Variants in KIAA0753 observed in about 807,000 individuals in gnomAD.
The protein encoded by KIAA0753 is KIAA0753, also known as protein moonraker.
Under a neutral mutation model 116.9 loss-of-function variants are expected in KIAA0753, and 114 were observed. The observed-to-expected ratio is 0.98, with a 90% confidence interval of 0.84 to 1.14. The LOEUF (loss-of-function observed/expected upper bound fraction) is 1.14. Ranked by LOEUF, KIAA0753 falls within the 50% of genes most tolerant of loss-of-function variation. KIAA0753 has a pLI of 0.00. For missense variants in KIAA0753, 1,156 were observed against 1,172.4 expected (o/e 0.99, Z 0.20); for synonymous variants, 405 against 413.1 (o/e 0.98, Z 0.24).
At position 6,589,993 on chromosome 17, in the gene KIAA0753, C is replaced by A; in HGVS notation, c.2572G>T (p.Glu858Ter). The A allele has an allele frequency of 1.3e-6, 2 of 1,559,680 alleles. No individual in the cohort carries two copies. The highest frequency in any genetic ancestry group is 2.1e-5 in the Admixed American group (1 of 47,790). ...GATCCTTCCTCTGTTCCCACACTTT[C>A]ATCCAGGGAACTGAGAACAAATAAA... ...ERPCNGNSLD[E>*]SVGTEEGSEK... Residue 858 changes from glutamate (E) to a stop codon, truncating the protein, a stop_gained, in exon 18 of 19, where the codon GAA (glutamate) becomes TAA (stop). Transcript: ENST00000361413. LOFTEE classifies it high-confidence loss of function.
intron 12 of KIAA0753, 74 bp downstream of exon 12, chr17:6,606,799 T>C: frequency 1.8e-6 from 2 of 1,129,120 alleles, no homozygotes; most frequent in African/African-American, 1.5e-5. Flanking sequence ...ACAGTCCAGG[T>C]TGGTTGCTAG....
rs1157585121 is a variant in KIAA0753 at position 6,639,040 on chromosome 17, C to T, written c.-69+1597G>A. ...CCTGAACCCTGGGTCACCTCCACAT[C>T]TAGTTTCCTCTTCAGCAGCACAGGG... On this transcript the variant is annotated intron_variant, in intron 1 of 18. Transcript: ENST00000361413. This position sits in a 1 kb window ranked among gnomAD's most constrained non-coding sequence, Gnocchi z 4.3. 2 of 152,918 alleles carry T rather than the reference C, an allele frequency of 1.3e-5. No individual in the cohort carries two copies. The highest frequency in any genetic ancestry group is 2.9e-5 in the Non-Finnish European group (2 of 68,714). 9.5% of individuals were successfully genotyped at this position (152,918 alleles called of 1,614,324 possible).
rs377255897 is a variant in KIAA0753, at chr17:6,607,011, A to G, written c.1920-49T>C. On this transcript the variant is annotated intron_variant, in intron 11 of 18. Coordinates refer to ENST00000361413, the MANE Select transcript of KIAA0753 (RefSeq NM_014804.3). ...CCCCAACTCTCCTCAAGGCAGAGTC[A>G]GGGCTCCCTTGAGCTCCAGTCTTGG... 1.9e-5 allele frequency: 30 copies of G among 1,557,538 alleles called. No individual in the cohort carries two copies. The African/African-American group carries it at 3.9e-4, about 20-fold the overall frequency.
In KIAA0753 at chr17:6,617,365, C is replaced by CGGTA. The variant is rs1971000276; in HGVS notation, c.1315+3422_1315+3423insTACC. Among the ~76,000 whole-genome samples, 4 of 152,264 alleles carry CGGTA rather than the reference C, an allele frequency of 2.6e-5. No homozygotes were observed. In the South Asian group the frequency reaches 8.3e-4, roughly 32 times the overall value. ...AAGATACTATATTACTTCTACCTGC[C>CGGTA]TACCAATGAAGGAGAGCGAACATCC... On this transcript the variant is annotated intron_variant, in intron 7 of 18. Coordinates refer to ENST00000361413, the MANE Select transcript of KIAA0753 (RefSeq NM_014804.3).
In KIAA0753 at chr17:6,628,589, G is replaced by A. The variant is rs750014573; in HGVS notation, c.246C>T (p.Asp82=). The A allele has an allele frequency of 6.2e-7, 1 of 1,614,136 alleles. No individual in the cohort carries two copies. The highest frequency in any genetic ancestry group is 8.5e-7 in the Non-Finnish European group (1 of 1,180,018). The change falls in exon 3 of 19, where the codon GAC becomes GAT. Residue 82 remains aspartate (D), a synonymous_variant. Coordinates refer to ENST00000361413, the MANE Select transcript of KIAA0753 (RefSeq NM_014804.3). The part of the protein sequence containing the change: ...CKDADCRVGP[D]LGSSVSFSVI... ...CGGAAAATGAAACAGAACTGCCCAG[G>A]TCAGGACCAACTCTACAATCTGCAT...
At position 6,628,147 on chromosome 17, in the gene KIAA0753, T is replaced by C; in HGVS notation, c.688A>G (p.Ile230Val). The C allele has an allele frequency of 5.6e-6, 9 of 1,612,904 alleles. No homozygotes were observed. Among genetic ancestry groups the C allele is most frequent in the Non-Finnish European group, 7.6e-6 (9 of 1,179,662 alleles). ...TTAGTTACCTCTTCAATTTTGTGGA[T>C]ACAACTGCTCAGTTCTTTCTGGAGT... Reference protein sequence around the residue: ...QRLQKELSSCIHKIEEVTKKD... With the variant: ...QRLQKELSSCVHKIEEVTKKD... The change falls in exon 3 of 19, where the codon ATC becomes GTC. Residue 230 changes from isoleucine (I) to valine (V), a missense_variant. By Grantham distance (29) the Ile-to-Val change is conservative (BLOSUM62 3). Transcript: ENST00000361413.
At chr17:6,632,192 A>G (rs11651700) in intron 2 of KIAA0753, among the ~76,000 whole-genome samples, 54,265 of 151,986 alleles carry the variant, frequency 0.36, 10,372 homozygotes, top group Non-Finnish European at 0.43. Context: ...ATGAGCCACA[A>G]CGCCCAGCCT....
chr17:6,613,538 A>G (rs1221343437), intron 7 of KIAA0753, among the ~76,000 whole-genome samples: 2 of 152,206 alleles, frequency 1.3e-5, no homozygotes, highest in African/African-American at 2.4e-5. Context: ...TCTTAGTGAT[A>G]AAACATTAAA....
At position 6,610,063 on chromosome 17, in the gene KIAA0753, T is replaced by C; in HGVS notation, c.1643A>G (p.Gln548Arg). The change falls in exon 9 of 19, where the codon CAG becomes CGG. Residue 548 changes from glutamine (Q) to arginine (R), a missense_variant. Transcript: ENST00000361413. ...TVSSRLKMNR[Q>R]PVKDRKAPWI... is the part of the protein sequence containing the mutation. ...TGGTGCCTTGCGGTCTTTCACAGGC[T>C]GCCGGTTCATTTTTAATCTGGATGA... 1 of 1,614,196 alleles carries C rather than the reference T, an allele frequency of 6.2e-7. No homozygotes were observed. Among genetic ancestry groups the C allele is most frequent in the Non-Finnish European group, 8.5e-7 (1 of 1,180,036 alleles).
chr17:6,620,721 T>C, intron 7 of KIAA0753, 67 bp downstream of exon 7: 1 of 1,497,096 alleles, frequency 6.7e-7, no homozygotes, highest in South Asian at 1.1e-5. Flanking sequence ...CTCAGTGCAG[T>C]AACTGTTATA....
rs2150790353 is a variant in KIAA0753 at position 6,600,371 on chromosome 17, A to C, written c.2088+9T>G. 1 of 1,610,338 alleles carries C rather than the reference A, an allele frequency of 6.2e-7. No homozygotes were observed. The highest frequency in any genetic ancestry group is 2.2e-5 in the East Asian group (1 of 44,860). ...AAAGCAAGCAAATGAAACGAACTAGATAGATTACCTGGGCCTTGACCAAGA... is the reference window on the plus strand; with the variant it reads ...AAAGCAAGCAAATGAAACGAACTAGCTAGATTACCTGGGCCTTGACCAAGA... On this transcript the variant is annotated intron_variant, in intron 13 of 18. Coordinates refer to ENST00000361413, the MANE Select transcript of KIAA0753 (RefSeq NM_014804.3).
At chr17:6,625,733 C>G (rs925986101) in intron 3 of KIAA0753, among the ~76,000 whole-genome samples, 5 of 151,940 alleles carry the variant, frequency 3.3e-5, no homozygotes, top group African/African-American at 1.2e-4. Context: ...ACATTTTTTT[C>G]TTTTTCTTTC....
At chr17:6,626,939 G>A (rs966346300) in intron 3 of KIAA0753, among the ~76,000 whole-genome samples, 8 of 152,166 alleles carry the variant, frequency 5.3e-5, no homozygotes, top group Non-Finnish European at 7.3e-5. Context: ...TCCAATCAAA[G>A]TAGGTAGGGG....
At chr17:6,630,677 C>T (rs1382788223) in intron 2 of KIAA0753, among the ~76,000 whole-genome samples, 1 of 152,224 alleles carries the variant, frequency 6.6e-6, no homozygotes, top group Admixed American at 6.5e-5. Context: ...CAATCTGAGT[C>T]CCCATGAAGG....
At chr17:6,631,263 T>C (rs574958925) in intron 2 of KIAA0753, among the ~76,000 whole-genome samples, 64 of 152,348 alleles carry the variant, frequency 4.2e-4, no homozygotes, top group African/African-American at 1.4e-3. Context: ...CCAGTAACTT[T>C]TGAATATAGC....
chr17:6,632,175 T>C (rs1042265988), intron 2 of KIAA0753, among the ~76,000 whole-genome samples: 1 of 152,150 alleles, frequency 6.6e-6, no homozygotes, highest in African/African-American at 2.4e-5. Context: ...GTGCTGGGAT[T>C]ACAGGCATGA....
rs1971829404 is a variant in KIAA0753, at chr17:6,628,611, G to C, written c.224C>G (p.Ala75Gly). 1 of 1,614,152 alleles carries C rather than the reference G, an allele frequency of 6.2e-7. No individual in the cohort carries two copies. The highest frequency in any genetic ancestry group is 2.2e-5 in the East Asian group (1 of 44,884). The change falls in exon 3 of 19, where the codon GCA becomes GGA. Residue 75 changes from alanine (A) to glycine (G), a missense_variant. By Grantham distance (60) the Ala-to-Gly change is moderately conservative. Transcript: ENST00000361413. The part of the protein sequence containing the change: ...SYNESYHCKD[A>G]DCRVGPDLGS... ...CAGGTCAGGACCAACTCTACAATCTGCATCTTTACAATGGTATGATTCATT... is the reference window on the plus strand; with the variant it reads ...CAGGTCAGGACCAACTCTACAATCTCCATCTTTACAATGGTATGATTCATT...
In KIAA0753 at chr17:6,599,298, G is replaced by A; in HGVS notation, c.2111C>T (p.Ala704Val). 1 of 1,613,178 alleles carries A rather than the reference G, an allele frequency of 6.2e-7. No individual in the cohort carries two copies. Among genetic ancestry groups the A allele is most frequent in the Non-Finnish European group, 8.5e-7 (1 of 1,179,254 alleles). ...CGAGCCATCTTTCAAATGAATATTT[G>A]CTTCTGTAGTAGAATTGACTCTCTA... is the stretch of plus-strand genomic sequence containing the variant. ...KAQRVNSTTE[A>V]NIHLKDGSSV... The change falls in exon 14 of 19, where the codon GCA becomes GTA. Residue 704 changes from alanine to valine, a missense_variant. Physicochemically the swap from Ala to Val is moderately conservative, Grantham distance 64 (BLOSUM62 0). Coordinates refer to ENST00000361413, the MANE Select transcript of KIAA0753 (RefSeq NM_014804.3).
At chr17:6,603,961 C>A (rs534615962) in intron 12 of KIAA0753, among the ~76,000 whole-genome samples, 1 of 152,170 alleles carries the variant, frequency 6.6e-6, no homozygotes, top group Non-Finnish European at 1.5e-5. Context: ...CCCATCAGAA[C>A]GCCTACAAAA....
Sources: gnomAD v4.1 joint callset for allele counts (sites outside exome capture counted in the v4.1 genomes callset) on GRCh38, gnomAD v4.1.1 for gene constraint, Gnocchi (gnomAD v3.1) non-coding constraint, MANE v1.5 for transcripts, NCBI Gene and HGNC (gene_info 2026-07-23, HGNC 2026-07-21) for gene names.